PLCB1: variants seen among roughly 807,000 people sequenced by gnomAD.
PLCB1 encodes phospholipase C beta 1.
In PLCB1, 46 loss-of-function variants were observed where a neutral mutation model predicts 161.8. The observed-to-expected ratio is 0.28, with a 90% CI of 0.22 to 0.36. PLCB1 has a LOEUF of 0.36. Among genes scored for constraint, PLCB1 ranks in the 10% least tolerant of loss-of-function variants. PLCB1 has a pLI of 1.00. For synonymous variants in PLCB1, 517 were observed against 503.7 expected (o/e 1.03, Z -0.35); for missense variants, 1,016 against 1,472.5 (o/e 0.69, Z 5.07).
intron 2 of PLCB1, among the ~76,000 whole-genome samples, chr20:8,280,420 G>A (rs960373056): frequency 2.0e-5 from 3 of 152,078 alleles, no homozygotes; most frequent in African/African-American, 7.2e-5. Flanking sequence ...CATGGTGTGG[G>A]CATGATTCTC....
intron 22 of PLCB1, among the ~76,000 whole-genome samples, chr20:8,740,830 G>A (rs1980839267): frequency 6.6e-6 from 1 of 152,050 alleles, no homozygotes; most frequent in Non-Finnish European, 1.5e-5. Flanking sequence ...TAAATTTAAG[G>A]AATTAACCAA....
At chr20:8,761,435 AT>A in intron 25 of PLCB1, among the ~76,000 whole-genome samples, 1 of 152,376 alleles carries the variant, frequency 6.6e-6, no homozygotes, top group East Asian at 1.9e-4. Flanking sequence ...TTTGATGCGT[AT>A]ATTTGCATTT....
chr20:8,781,390 A>T (rs1047817382), intron 27 of PLCB1, among the ~76,000 whole-genome samples: 4 of 149,526 alleles, frequency 2.7e-5, no homozygotes, highest in African/African-American at 1.0e-4. Context: ...TGGGATTCAC[A>T]CACACAAACA....
At chr20:8,353,800 C>G (rs1384515218) in intron 2 of PLCB1, among the ~76,000 whole-genome samples, 1 of 152,040 alleles carries the variant, frequency 6.6e-6, no homozygotes, top group Admixed American at 6.6e-5. Context: ...TGAATGGGCT[C>G]TTGGCACAGG....
chr20:8,835,166 GTAAA>G (rs79502241), intron 31 of PLCB1, among the ~76,000 whole-genome samples: 42,379 of 151,966 alleles, frequency 0.28, 6,164 homozygotes, highest in Middle Eastern at 0.41. Flanking sequence ...TGTGGGAAGA[GTAAA>G]ATTTCTAGGA....
intron 31 of PLCB1, among the ~76,000 whole-genome samples, chr20:8,846,098 C>T (rs1368243034): frequency 6.6e-6 from 1 of 152,186 alleles, no homozygotes; most frequent in Admixed American, 6.5e-5. Flanking sequence ...TTAATTGGCT[C>T]TGCAGCCTGT....
At chr20:8,290,361 G>A (rs775078067) in intron 2 of PLCB1, among the ~76,000 whole-genome samples, 33 of 152,134 alleles carry the variant, frequency 2.2e-4, no homozygotes, top group Non-Finnish European at 4.6e-4. Context: ...ACAGGGAGAG[G>A]AGGAAGCCAA....
intron 2 of PLCB1, among the ~76,000 whole-genome samples, chr20:8,364,581 A>G (rs1180200268): frequency 6.6e-6 from 1 of 152,240 alleles, no homozygotes; most frequent in Non-Finnish European, 1.5e-5. Context: ...TGTTCCTGTT[A>G]GGTCCAAAGT....
At chr20:8,644,720 C>A (rs976613130) in intron 4 of PLCB1, among the ~76,000 whole-genome samples, 2 of 151,444 alleles carry the variant, frequency 1.3e-5, no homozygotes, top group African/African-American at 2.4e-5. Context: ...GTCAGCCCCC[C>A]GCCCTGCCAG....
intron 2 of PLCB1, among the ~76,000 whole-genome samples, chr20:8,340,902 T>C (rs1157593338): frequency 6.6e-6 from 1 of 152,122 alleles, no homozygotes. Flanking sequence ...GAAAGGTCAT[T>C]GGTTTTATTT....
At chr20:8,173,589 G>T (rs532977671) in intron 2 of PLCB1, among the ~76,000 whole-genome samples, 31 of 152,196 alleles carry the variant, frequency 2.0e-4, no homozygotes, top group Non-Finnish European at 2.4e-4. Context: ...AAACGTCCAG[G>T]ATACAACTGA....
chr20:8,710,703 G>A (rs1296001241), intron 12 of PLCB1, among the ~76,000 whole-genome samples: 3 of 151,678 alleles, frequency 2.0e-5, no homozygotes, highest in South Asian at 2.1e-4. Flanking sequence ...TAGTAGACAC[G>A]GGGATTCTCC....
At chr20:8,560,656 C>G (rs1242119820) in intron 3 of PLCB1, among the ~76,000 whole-genome samples, 2 of 151,882 alleles carry the variant, frequency 1.3e-5, no homozygotes, top group African/African-American at 4.8e-5. Context: ...TAAATGTCAT[C>G]TTTTTTTGTT....
chr20:8,640,672 C>T (rs1287232971), intron 4 of PLCB1, among the ~76,000 whole-genome samples: 1 of 152,152 alleles, frequency 6.6e-6, no homozygotes, highest in African/African-American at 2.4e-5. Context: ...AGCATTTTCT[C>T]AGTTGTACAA....
intron 26 of PLCB1, among the ~76,000 whole-genome samples, chr20:8,766,621 C>T (rs192724606): frequency 7.9e-5 from 12 of 152,164 alleles, no homozygotes; most frequent in African/African-American, 2.2e-4. Flanking sequence ...CAAAATGTAT[C>T]GAACGTGCAA....
intron 2 of PLCB1, among the ~76,000 whole-genome samples, chr20:8,292,781 A>G (rs888767546): frequency 1.6e-4 from 24 of 152,230 alleles, no homozygotes; most frequent in Non-Finnish European, 3.2e-4. Context: ...CTATGGCTCA[A>G]TGTCCACAAC....
chr20:8,622,929 T>C (rs1429161597), intron 3 of PLCB1, among the ~76,000 whole-genome samples: 1 of 152,020 alleles, frequency 6.6e-6, no homozygotes, highest in African/African-American at 2.4e-5. Flanking sequence ...AAATAGGTAA[T>C]AGCAGCATTT....
At chr20:8,579,593 A>T (rs550037054) in intron 3 of PLCB1, among the ~76,000 whole-genome samples, 10 of 152,376 alleles carry the variant, frequency 6.6e-5, no homozygotes, top group Admixed American at 2.0e-4. Context: ...GTATAGAAGC[A>T]TATGGACAAT....
intron 3 of PLCB1, among the ~76,000 whole-genome samples, chr20:8,501,657 G>A (rs1983411358): frequency 6.6e-6 from 1 of 152,044 alleles, no homozygotes; most frequent in Admixed American, 6.6e-5. Flanking sequence ...CACACAATAG[G>A]TGGTAAGAAA....
Sources: allele counts gnomAD v4.1 joint callset (sites outside exome capture counted in the v4.1 genomes callset), GRCh38; gene constraint gnomAD v4.1.1; transcripts MANE v1.5; gene names NCBI Gene and HGNC (gene_info 2026-07-23, HGNC 2026-07-21).